The following FOXN3 variants were observed in gnomAD, a reference collection of about 807,000 sequenced individuals.
The protein encoded by FOXN3 is forkhead box protein N3.
FOXN3 carries 7 observed loss-of-function variants against 38.4 expected under a neutral mutation model. That is an observed-to-expected ratio of 0.18 (90% CI 0.10 to 0.34). FOXN3 has a LOEUF of 0.34. Ranked by LOEUF, FOXN3 falls within the 10% of genes least tolerant of loss-of-function variation. The pLI is 1.00. For missense variants in FOXN3, 456 were observed against 613.4 expected, an observed-to-expected ratio of 0.74 and a Z score of 2.71; for synonymous variants, 230 against 242.2, an observed-to-expected ratio of 0.95 and a Z score of 0.47.
chr14:89,275,990 C>T (rs1325407422), intron 4 of FOXN3, among the ~76,000 whole-genome samples: 2 of 152,158 alleles, frequency 1.3e-5, no homozygotes, highest in South Asian at 2.1e-4. Context: ...CAGAAGTAAA[C>T]GGATGGCCAG....
intron 1 of FOXN3, among the ~76,000 whole-genome samples, chr14:89,566,334 T>C (rs572848560): frequency 2.6e-5 from 4 of 152,356 alleles, no homozygotes; most frequent in African/African-American, 9.6e-5. Flanking sequence ...CCTAATGTTT[T>C]GGTATAAAAC....
intron 2 of FOXN3, among the ~76,000 whole-genome samples, chr14:89,360,735 TCCAGCACC>T (rs1889472725): frequency 9.5e-6 from 1 of 104,904 alleles, no homozygotes; most frequent in African/African-American, 4.0e-5. Flanking sequence ...CACCACCACC[TCCAGCACC>T]ACCTCCACCA....
At chr14:89,487,833 T>A (rs1893480442) in intron 1 of FOXN3, among the ~76,000 whole-genome samples, 1 of 152,030 alleles carries the variant, frequency 6.6e-6, no homozygotes. Context: ...TTGTTTCTGT[T>A]TGGGGTGAGG....
intron 3 of FOXN3, among the ~76,000 whole-genome samples, chr14:89,299,106 A>G (rs1046542036): frequency 1.3e-5 from 2 of 152,226 alleles, no homozygotes; most frequent in African/African-American, 2.4e-5. Context: ...TATGTGCTCA[A>G]TAAGTGCTGC....
At chr14:89,384,608 C>T (rs1251919520) in intron 2 of FOXN3, among the ~76,000 whole-genome samples, 1 of 152,150 alleles carries the variant, frequency 6.6e-6, no homozygotes, top group African/African-American at 2.4e-5. Flanking sequence ...ACACCTACCA[C>T]AATACCAGGA....
chr14:89,561,694 G>A (rs1057127961), intron 1 of FOXN3, among the ~76,000 whole-genome samples: 5 of 152,200 alleles, frequency 3.3e-5, no homozygotes, highest in East Asian at 3.8e-4. Context: ...AAGGAAGTGC[G>A]TGTGTAGGAA....
At chr14:89,432,054 A>C (rs184654575) in intron 1 of FOXN3, among the ~76,000 whole-genome samples, 28 of 152,346 alleles carry the variant, frequency 1.8e-4, no homozygotes, top group African/African-American at 6.7e-4. Context: ...ATGTGATGTA[A>C]AAACCCAATT....
chr14:89,352,864 A>T (rs1889035684), intron 2 of FOXN3, among the ~76,000 whole-genome samples: 1 of 152,210 alleles, frequency 6.6e-6, no homozygotes, highest in African/African-American at 2.4e-5. Flanking sequence ...GTACCCTTGT[A>T]TACCCATATT....
chr14:89,333,767 A>AC (rs1888338244), intron 3 of FOXN3, among the ~76,000 whole-genome samples: 1 of 147,302 alleles, frequency 6.8e-6, no homozygotes, highest in African/African-American at 2.5e-5. Context: ...AAAAAAAAAA[A>AC]AAAAAAAAAC....
At chr14:89,291,485 C>G in intron 3 of FOXN3, 1 of 600,650 alleles carries the variant, frequency 1.7e-6, no homozygotes, top group Non-Finnish European at 3.3e-6. Context: ...TCCACAGACA[C>G]TCTTGCTTAC....
chr14:89,416,172 T>C (rs756999945), intron 1 of FOXN3, among the ~76,000 whole-genome samples: 2 of 152,056 alleles, frequency 1.3e-5, no homozygotes, highest in Non-Finnish European at 2.9e-5. Context: ...ACTGTACTTG[T>C]CAAAAACATT....
At chr14:89,593,028 A>T (rs1895989616) in intron 1 of FOXN3, among the ~76,000 whole-genome samples, 1 of 145,312 alleles carries the variant, frequency 6.9e-6, no homozygotes, top group South Asian at 2.4e-4. Flanking sequence ...GGAAGGAGGG[A>T]AAGAGGGAGG....
intron 2 of FOXN3, among the ~76,000 whole-genome samples, chr14:89,372,537 A>G (rs1338865662): frequency 1.3e-5 from 2 of 152,212 alleles, no homozygotes; most frequent in Non-Finnish European, 2.9e-5. Context: ...TACATTTATT[A>G]TAACAGGAAT....
intron 1 of FOXN3, among the ~76,000 whole-genome samples, chr14:89,459,407 C>G (rs889527773): frequency 1.3e-5 from 2 of 152,124 alleles, no homozygotes; most frequent in African/African-American, 4.8e-5. Flanking sequence ...CTTTCAGGAA[C>G]AGGGACAGCA....
At chr14:89,522,291 A>G (rs365192) in intron 1 of FOXN3, among the ~76,000 whole-genome samples, 67,106 of 151,454 alleles carry the variant, frequency 0.44, 15,090 homozygotes, top group African/African-American at 0.51. Flanking sequence ...AAATGAAATA[A>G]AGGCTTCCAT....
intron 4 of FOXN3, among the ~76,000 whole-genome samples, chr14:89,212,272 C>T (rs913470471): frequency 2.6e-5 from 4 of 152,178 alleles, no homozygotes; most frequent in African/African-American, 9.7e-5. Flanking sequence ...TCACAAGGAT[C>T]GTGTGTTGGG....
chr14:89,380,733 G>A (rs768643866), intron 2 of FOXN3, among the ~76,000 whole-genome samples: 6 of 152,182 alleles, frequency 3.9e-5, no homozygotes, highest in Non-Finnish European at 7.3e-5. Flanking sequence ...CACAGACCAT[G>A]GGCAGTTTTC....
intron 1 of FOXN3, among the ~76,000 whole-genome samples, chr14:89,516,094 C>T (rs1043543537): frequency 1.3e-5 from 2 of 152,036 alleles, no homozygotes; most frequent in Non-Finnish European, 2.9e-5. Flanking sequence ...TTGTTTCATC[C>T]GCAAGTTGTG....
At chr14:89,195,077 G>A (rs1888063779) in intron 4 of FOXN3, among the ~76,000 whole-genome samples, 1 of 152,128 alleles carries the variant, frequency 6.6e-6, no homozygotes. Context: ...CTTTTCTTTA[G>A]ATTGCAAACT....
Sources: allele counts gnomAD v4.1 joint callset (sites outside exome capture counted in the v4.1 genomes callset), GRCh38; gene constraint gnomAD v4.1.1; transcripts MANE v1.5; gene names NCBI Gene and HGNC (gene_info 2026-07-23, HGNC 2026-07-21).